Variants in LINGO2 observed in about 807,000 individuals in gnomAD.
LINGO2 encodes the protein leucine rich repeat and Ig domain containing 2, also known as leucine-rich repeat and immunoglobulin-like domain-containing nogo receptor-interacting protein 2.
Under a neutral mutation model 30.6 loss-of-function variants are expected in LINGO2, and 14 were observed. That is an observed-to-expected ratio of 0.46 (90% CI 0.30 to 0.72). The LOEUF (loss-of-function observed/expected upper bound fraction) is 0.72, where lower values mean the gene tolerates loss of function less well. Among genes scored for constraint, LINGO2 ranks in the 30% least tolerant of loss-of-function variants. The pLI is 0.07. For synonymous variants in LINGO2, 317 were observed against 288.5 expected (o/e 1.10, Z -1.00); for missense variants, 729 against 751.7 (o/e 0.97, Z 0.35).
At chr9:28,620,373 C>T (rs1826336137) in intron 1 of LINGO2, among the ~76,000 whole-genome samples, 2 of 152,104 alleles carry the variant, frequency 1.3e-5, no homozygotes, top group African/African-American at 4.8e-5. Context: ...CACTGTTCAG[C>T]ATGTGATTTC....
the LINGO2 span, among the ~76,000 whole-genome samples, chr9:29,140,766 G>C: frequency 6.6e-6 from 1 of 151,906 alleles, no homozygotes; most frequent in Non-Finnish European, 1.5e-5. Flanking sequence ...TGAGAATTCT[G>C]AAAGCAGGAA....
At chr9:28,645,827 C>T (rs1171895779) in intron 1 of LINGO2, among the ~76,000 whole-genome samples, 1 of 152,038 alleles carries the variant, frequency 6.6e-6, no homozygotes, top group Non-Finnish European at 1.5e-5. Flanking sequence ...CAGCCTTCAG[C>T]TGGCTTCAGA....
chr9:29,171,871 A>G, the LINGO2 span, among the ~76,000 whole-genome samples: 1 of 151,950 alleles, frequency 6.6e-6, no homozygotes, highest in Non-Finnish European at 1.5e-5. Flanking sequence ...AAAAATTCAG[A>G]CAATGTCATA....
the LINGO2 span, among the ~76,000 whole-genome samples, chr9:28,877,754 G>T: frequency 6.6e-5 from 10 of 151,332 alleles, no homozygotes; most frequent in East Asian, 3.9e-4. Flanking sequence ...TGGTTCCATA[G>T]GAACTTTAAA....
chr9:28,397,536 T>C (rs150253865), intron 2 of LINGO2, among the ~76,000 whole-genome samples: 2,406 of 148,000 alleles, frequency 0.016, 81 homozygotes, highest in African/African-American at 0.058. Context: ...TGCTGTACAA[T>C]AGATGTCTTT....
At chr9:28,733,755 A>C in the LINGO2 span, among the ~76,000 whole-genome samples, 1 of 152,154 alleles carries the variant, frequency 6.6e-6, no homozygotes, top group African/African-American at 2.4e-5. Context: ...GACTTCTCCT[A>C]GATGGCTTTT....
the LINGO2 span, among the ~76,000 whole-genome samples, chr9:29,033,526 A>T: frequency 6.6e-6 from 1 of 151,788 alleles, no homozygotes; most frequent in African/African-American, 2.4e-5. Flanking sequence ...AATCCATAGA[A>T]GTGTTGCCAA....
chr9:28,555,536 A>G (rs1007113497), intron 1 of LINGO2, among the ~76,000 whole-genome samples: 16 of 152,102 alleles, frequency 1.1e-4, no homozygotes, highest in Non-Finnish European at 2.2e-4. Flanking sequence ...GTCCAGGACC[A>G]GATGGATTCA....
At chr9:28,773,776 T>G in the LINGO2 span, among the ~76,000 whole-genome samples, 1 of 152,098 alleles carries the variant, frequency 6.6e-6, no homozygotes, top group Non-Finnish European at 1.5e-5. Flanking sequence ...GTAATTCAAC[T>G]GGAGAGAGGG....
At chr9:28,222,982 C>T (rs905273037) in intron 4 of LINGO2, among the ~76,000 whole-genome samples, 2 of 152,054 alleles carry the variant, frequency 1.3e-5, no homozygotes, top group African/African-American at 4.8e-5. Context: ...AAGAATAGTC[C>T]TATTTCAAGA....
chr9:28,442,433 G>A (rs1244945804), intron 2 of LINGO2, among the ~76,000 whole-genome samples: 2 of 151,938 alleles, frequency 1.3e-5, no homozygotes, highest in Non-Finnish European at 2.9e-5. Context: ...ACATCACACT[G>A]TGCCATGTAA....
chr9:28,609,897 C>T lies in LINGO2; in HGVS notation c.-365+60303G>A, dbSNP rs567479902. Among the ~76,000 whole-genome samples, 12 of 152,188 alleles carry T rather than the reference C, an allele frequency of 7.9e-5. No individual in the cohort carries two copies. In the South Asian group the frequency reaches 8.3e-4, roughly 11 times the overall value. On this transcript the variant is annotated intron_variant, in intron 1 of 5. Transcript: ENST00000379992. Reference sequence around the variant, plus strand: ...AAGCAAAATATGTCTGCATAAAATACGTGGCACCTATGAGAAGATTGCTTT... The same window carrying T: ...AAGCAAAATATGTCTGCATAAAATATGTGGCACCTATGAGAAGATTGCTTT...
intron 5 of LINGO2, among the ~76,000 whole-genome samples, chr9:27,954,168 C>T (rs2118418894): frequency 6.6e-6 from 1 of 152,166 alleles, no homozygotes; most frequent in East Asian, 1.9e-4. Context: ...ATAGAGTATC[C>T]ATCACCTTGA....
the LINGO2 span, among the ~76,000 whole-genome samples, chr9:29,183,014 T>C: frequency 2.6e-5 from 4 of 152,082 alleles, no homozygotes; most frequent in Non-Finnish European, 5.9e-5. Context: ...AAAACCTGCA[T>C]GTGGGCAAAA....
chr9:28,280,836 C>T (rs760404692), intron 4 of LINGO2, among the ~76,000 whole-genome samples: 5 of 152,050 alleles, frequency 3.3e-5, no homozygotes, highest in Non-Finnish European at 5.9e-5. Flanking sequence ...TAGTCTTCTG[C>T]AAAAAGTTTT....
At chr9:28,510,787 C>T (rs569210608) in intron 1 of LINGO2, among the ~76,000 whole-genome samples, 2 of 151,894 alleles carry the variant, frequency 1.3e-5, no homozygotes, top group African/African-American at 2.4e-5. Flanking sequence ...ATCTATCTAT[C>T]TATCTATTTG....
chr9:29,020,680 A>C, the LINGO2 span, among the ~76,000 whole-genome samples: 1 of 152,140 alleles, frequency 6.6e-6, no homozygotes, highest in African/African-American at 2.4e-5. Flanking sequence ...TTGGTCATGG[A>C]CGACTGCATA....
chr9:28,865,379 T>A, the LINGO2 span, among the ~76,000 whole-genome samples: 22,289 of 152,026 alleles, frequency 0.15, 1,824 homozygotes, highest in East Asian at 0.33. Context: ...TCACACTCAA[T>A]CCCAAACTGG....
chr9:28,872,526 T>G, the LINGO2 span, among the ~76,000 whole-genome samples: 1 of 152,156 alleles, frequency 6.6e-6, no homozygotes, highest in Admixed American at 6.6e-5. Context: ...GTTCACTCTG[T>G]TACAATTTCT....
Sources: gnomAD v4.1 joint callset for allele counts (sites outside exome capture counted in the v4.1 genomes callset) on GRCh38, gnomAD v4.1.1 for gene constraint, MANE v1.5 for transcripts, NCBI Gene and HGNC (gene_info 2026-07-23, HGNC 2026-07-21) for gene names.